Variants in NRG1 observed in about 807,000 individuals in gnomAD.
NRG1 encodes pro-neuregulin-1, membrane-bound isoform.
In NRG1, 18 loss-of-function variants were observed where a neutral mutation model predicts 63.8. The ratio of observed to expected loss-of-function variants is 0.28; its 90% confidence interval spans 0.19 to 0.42. The LOEUF (loss-of-function observed/expected upper bound fraction) is 0.42, where lower values mean the gene tolerates loss of function less well. NRG1 is among the 10% of genes least tolerant of loss of function. The pLI, the probability that NRG1 is intolerant of heterozygous loss-of-function variation, is 1.00. For synonymous variants in NRG1, 302 were observed against 301.3 expected (o/e 1.00, Z -0.02); for missense variants, 762 against 814.7 (o/e 0.94, Z 0.79).
chr8:32,184,077 G>A (rs1009553259), intron 1 of NRG1, among the ~76,000 whole-genome samples: 2 of 106,380 alleles, frequency 1.9e-5, no homozygotes, highest in African/African-American at 4.1e-5. Flanking sequence ...CACACACACA[G>A]TACTATATAT....
At chr8:31,826,372 G>A (rs1332708006) in intron 1 of NRG1, among the ~76,000 whole-genome samples, 14 of 152,102 alleles carry the variant, frequency 9.2e-5, no homozygotes, top group Admixed American at 3.3e-4. Flanking sequence ...TGCTGTTCTC[G>A]TGATAGTAAA....
intron 1 of NRG1, among the ~76,000 whole-genome samples, chr8:32,294,757 A>G (rs187206493): frequency 1.9e-4 from 29 of 151,886 alleles, no homozygotes; most frequent in Admixed American, 1.7e-3. Flanking sequence ...AATGGTTTCT[A>G]TTTCTTTGTA....
intron 1 of NRG1, among the ~76,000 whole-genome samples, chr8:31,950,202 G>A (rs966501482): frequency 6.6e-6 from 1 of 152,216 alleles, no homozygotes. Flanking sequence ...CAAGAAGGAT[G>A]AATTTAAAAG....
At chr8:32,375,962 T>A (rs556652244) in intron 1 of NRG1, among the ~76,000 whole-genome samples, 62 of 152,338 alleles carry the variant, frequency 4.1e-4, no homozygotes, top group African/African-American at 1.5e-3. Context: ...TAAACTTCAC[T>A]CTTAGCTTTA....
intron 1 of NRG1, among the ~76,000 whole-genome samples, chr8:32,031,893 G>T (rs966832194): frequency 6.6e-6 from 1 of 152,112 alleles, no homozygotes; most frequent in Non-Finnish European, 1.5e-5. Context: ...CCATGTCTTT[G>T]CTATCGTGAC....
chr8:32,132,070 C>CACT (rs1563822906), intron 1 of NRG1, among the ~76,000 whole-genome samples: 1 of 151,878 alleles, frequency 6.6e-6, no homozygotes. Context: ...GGGCTGAAGC[C>CACT]ACTATGTTTT....
rs28680615 is a variant in NRG1 at position 32,702,321 on chromosome 8, G to A, written c.503-25628G>A. 6.3e-3 allele frequency among the ~76,000 whole-genome samples: 966 copies of A among 152,302 alleles called. 12 individuals carry two copies. Among genetic ancestry groups the A allele is most frequent in the African/African-American group, 0.022 (921 of 41,560 alleles). On this transcript the variant is annotated intron_variant, in intron 5 of 11. Transcript: ENST00000356819. The stretch of plus-strand genomic sequence containing the variant: ...TTCTAAAAGGCTATGTGTGGGACGT[G>A]TGTCAGTGTTCACATGTGCCTAATA...
intron 1 of NRG1, among the ~76,000 whole-genome samples, chr8:31,769,477 C>A (rs541011630): frequency 6.6e-6 from 1 of 152,258 alleles, no homozygotes; most frequent in East Asian, 1.9e-4. Flanking sequence ...GCAGCCCATG[C>A]TGGGATATAA....
At chr8:32,703,457 C>G (rs1479859264) in intron 5 of NRG1, among the ~76,000 whole-genome samples, 1 of 144,744 alleles carries the variant, frequency 6.9e-6, no homozygotes, top group Non-Finnish European at 1.5e-5. Flanking sequence ...CTCGCTGTGT[C>G]GCTCAGGCTG....
At chr8:32,308,208 A>G (rs1856436734) in intron 1 of NRG1, among the ~76,000 whole-genome samples, 1 of 152,164 alleles carries the variant, frequency 6.6e-6, no homozygotes, top group African/African-American at 2.4e-5. Flanking sequence ...ATAAACATCA[A>G]TACATTTAGA....
intron 1 of NRG1, among the ~76,000 whole-genome samples, chr8:32,138,740 T>C (rs1835871083): frequency 6.6e-6 from 1 of 151,606 alleles, no homozygotes; most frequent in South Asian, 2.1e-4. Context: ...CTTTCTTGTA[T>C]TTTTTTTAGT....
chr8:31,966,251 T>C (rs109767), intron 1 of NRG1, among the ~76,000 whole-genome samples: 128,772 of 151,796 alleles, frequency 0.85, 55,499 homozygotes, highest in African/African-American at 0.96. Flanking sequence ...GCAACACCTA[T>C]ATCTTACCAT....
chr8:32,174,031 A>G (rs1395137716), intron 1 of NRG1, among the ~76,000 whole-genome samples: 1 of 152,226 alleles, frequency 6.6e-6, no homozygotes, highest in Non-Finnish European at 1.5e-5. Flanking sequence ...AATCAACAGA[A>G]TATACATTCT....
intron 1 of NRG1, among the ~76,000 whole-genome samples, chr8:32,054,155 T>C (rs1822457532): frequency 6.6e-6 from 1 of 152,178 alleles, no homozygotes; most frequent in Non-Finnish European, 1.5e-5. Flanking sequence ...CATTGTATAC[T>C]GTGGTATATA....
chr8:32,694,887 A>T (rs1183259775), intron 5 of NRG1, among the ~76,000 whole-genome samples: 1 of 152,028 alleles, frequency 6.6e-6, no homozygotes, highest in African/African-American at 2.4e-5. Context: ...GGGAGCTAGG[A>T]CTCTGGCTTT....
intron 1 of NRG1, among the ~76,000 whole-genome samples, chr8:32,422,493 A>G (rs978546383): frequency 1.3e-5 from 2 of 152,224 alleles, no homozygotes; most frequent in African/African-American, 4.8e-5. Flanking sequence ...TTTTGCTCTC[A>G]TAACAATGCT....
chr8:32,055,466 G>T (rs576972589), intron 1 of NRG1, among the ~76,000 whole-genome samples: 2 of 152,164 alleles, frequency 1.3e-5, no homozygotes, highest in East Asian at 1.9e-4. Context: ...TCTCCACACT[G>T]TTTCTTCAAA....
chr8:32,757,577 A>C (rs1040290598), intron 9 of NRG1, among the ~76,000 whole-genome samples: 6 of 152,166 alleles, frequency 3.9e-5, no homozygotes, highest in African/African-American at 1.4e-4. Flanking sequence ...TTGCCTTTTC[A>C]CCCTCTAACA....
intron 1 of NRG1, among the ~76,000 whole-genome samples, chr8:32,337,336 T>A (rs1266041119): frequency 6.6e-6 from 1 of 152,088 alleles, no homozygotes; most frequent in Non-Finnish European, 1.5e-5. Context: ...ATACTAAGGC[T>A]ATTGAATGAC....
Sources: allele counts gnomAD v4.1 joint callset (sites outside exome capture counted in the v4.1 genomes callset), GRCh38; gene constraint gnomAD v4.1.1; transcripts MANE v1.5; gene names NCBI Gene and HGNC (gene_info 2026-07-23, HGNC 2026-07-21).